The following ICA1 variants were observed in gnomAD, a reference collection of about 807,000 sequenced individuals.
ICA1 encodes 69 kDa islet cell autoantigen.
A neutral mutation model predicts 71.0 loss-of-function variants in ICA1; 40 were observed. That is an observed-to-expected ratio of 0.56 (90% CI 0.44 to 0.73). ICA1 has a LOEUF of 0.73. Among genes scored for constraint, ICA1 ranks in the 30% least tolerant of loss-of-function variants. The probability of loss-of-function intolerance (pLI) is 0.00; values close to 1 mark genes in which losing one functional copy is unlikely to be tolerated. For missense variants in ICA1, 578 were observed against 576.5 expected (o/e 1.00, Z -0.03); for synonymous variants, 207 against 209.5 (o/e 0.99, Z 0.10).
chr7:8,225,946 A>G (rs1798461875), intron 4 of ICA1, among the ~76,000 whole-genome samples: 1 of 152,192 alleles, frequency 6.6e-6, no homozygotes, highest in Admixed American at 6.6e-5. Context: ...TTCCATGTAT[A>G]ATTATTTTTG....
intron 1 of ICA1, among the ~76,000 whole-genome samples, chr7:8,240,044 G>C (rs1803242412): frequency 1.3e-5 from 2 of 152,194 alleles, no homozygotes. Context: ...GAAGAGAGCA[G>C]TGGTTCTCCC....
intron 1 of ICA1, among the ~76,000 whole-genome samples, chr7:8,259,577 T>A (rs61569932): frequency 2.0e-5 from 3 of 152,196 alleles, no homozygotes; most frequent in African/African-American, 7.2e-5. Flanking sequence ...TGAGTCCTAT[T>A]TAAAAGCGTG....
chr7:8,201,782 C>A (rs2348899), intron 6 of ICA1, among the ~76,000 whole-genome samples: 73,686 of 151,946 alleles, frequency 0.48, 21,937 homozygotes, highest in South Asian at 0.75. Flanking sequence ...ACTGGGTTAG[C>A]AGCCAAATGG....
rs542873727 is a variant in ICA1, at chr7:8,120,188, G to C, written c.1331-6144C>G. On this transcript the variant is annotated intron_variant, in intron 13 of 13. Coordinates refer to ENST00000402384, the MANE Select transcript of ICA1 (RefSeq NM_001136020.3). ...TCATTATTCCCTTTCCCCGTAGTGT[G>C]AGGCAGAAACAACAGCCAGTTTGCC... Among the ~76,000 whole-genome samples the C allele has an allele frequency of 4.9e-3, 746 of 152,280 alleles. 7 individuals carry two copies. Among genetic ancestry groups the C allele is most frequent in the African/African-American group, 0.017 (709 of 41,530 alleles).
intron 12 of ICA1, among the ~76,000 whole-genome samples, chr7:8,137,285 A>G (rs1303131871): frequency 6.6e-6 from 1 of 152,222 alleles, no homozygotes. Flanking sequence ...ATAAAATTAA[A>G]GAAGGTGATA....
chr7:8,197,574 AAATAATAATAAT>A (rs56773343), intron 6 of ICA1, among the ~76,000 whole-genome samples: 47 of 129,628 alleles, frequency 3.6e-4, no homozygotes, highest in African/African-American at 6.7e-4. Context: ...AAGAAAGAAG[AAATAATAATAAT>A]AATAATAATA....
At chr7:8,208,468 T>C (rs186394679) in intron 6 of ICA1, among the ~76,000 whole-genome samples, 1 of 152,208 alleles carries the variant, frequency 6.6e-6, no homozygotes, top group Admixed American at 6.5e-5. Context: ...TTTAAACGAG[T>C]GTGCTGGGCT....
At chr7:8,114,351 C>G (rs1042992070) in intron 13 of ICA1, among the ~76,000 whole-genome samples, 7 of 152,324 alleles carry the variant, frequency 4.6e-5, no homozygotes, top group African/African-American at 1.7e-4. Context: ...GGCCCTGCCA[C>G]TTCACCACAA....
intron 6 of ICA1, among the ~76,000 whole-genome samples, chr7:8,182,216 C>G (rs992078602): frequency 6.6e-6 from 1 of 152,174 alleles, no homozygotes; most frequent in African/African-American, 2.4e-5. Flanking sequence ...TCTGGACCCA[C>G]TGGACAAAGT....
At chr7:8,165,800 G>A (rs1420640949) in intron 6 of ICA1, among the ~76,000 whole-genome samples, 2 of 152,138 alleles carry the variant, frequency 1.3e-5, no homozygotes, top group Non-Finnish European at 2.9e-5. Context: ...AAACACTTAG[G>A]AATACAGCTA....
At chr7:8,140,119 G>T (rs911609983) in intron 10 of ICA1, among the ~76,000 whole-genome samples, 1 of 152,116 alleles carries the variant, frequency 6.6e-6, no homozygotes, top group Non-Finnish European at 1.5e-5. Flanking sequence ...TTTATAACTT[G>T]CATACAAATA....
intron 6 of ICA1, among the ~76,000 whole-genome samples, chr7:8,200,902 T>C (rs1281703662): frequency 6.6e-6 from 1 of 152,232 alleles, no homozygotes; most frequent in Non-Finnish European, 1.5e-5. Flanking sequence ...CTTTTGTAAC[T>C]GTAGACATAT....
chr7:8,233,450 G>C (rs545847432), intron 2 of ICA1, among the ~76,000 whole-genome samples: 6 of 150,748 alleles, frequency 4.0e-5, no homozygotes, highest in Non-Finnish European at 7.4e-5. Flanking sequence ...CTGGAGTGCA[G>C]TGGCGTGATC....
At chr7:8,177,541 G>T in intron 6 of ICA1, among the ~76,000 whole-genome samples, 1 of 152,052 alleles carries the variant, frequency 6.6e-6, no homozygotes, top group East Asian at 1.9e-4. Context: ...TATCCCATTG[G>T]TATTTCCTTT....
chr7:8,120,295 T>G (rs549000645), intron 13 of ICA1, among the ~76,000 whole-genome samples: 46 of 152,222 alleles, frequency 3.0e-4, no homozygotes, highest in Non-Finnish European at 4.6e-4. Context: ...TAAAATAGTA[T>G]GTCTATGACA....
At chr7:8,196,002 C>CAACAA (rs1562948396) in intron 6 of ICA1, among the ~76,000 whole-genome samples, 536 of 26,582 alleles carry the variant, frequency 0.02, 3 homozygotes, top group Middle Eastern at 0.054. Flanking sequence ...AACAACAACA[C>CAACAA]CAACACCAAC....
At position 8,223,037 on chromosome 7, in the gene ICA1, T is replaced by C. The variant is rs1797589936; in HGVS notation, c.257-1639A>G. 6.6e-6 allele frequency among the ~76,000 whole-genome samples: 1 copy of C among 152,250 alleles called. No homozygotes were observed. The highest frequency in any genetic ancestry group is 1.5e-5 in the Non-Finnish European group (1 of 68,038). ...CTCATACACTTTATTTCAGTTGAAA[T>C]ACTTATTGCCTTTTAATACTCACGC... On this transcript the variant is annotated intron_variant, in intron 4 of 13. Coordinates refer to ENST00000402384, the MANE Select transcript of ICA1 (RefSeq NM_001136020.3). This position sits in a 1 kb window ranked among gnomAD's most constrained non-coding sequence, Gnocchi z 4.1.
intron 13 of ICA1, among the ~76,000 whole-genome samples, chr7:8,120,545 A>T (rs1786504914): frequency 1.3e-5 from 2 of 152,154 alleles, no homozygotes; most frequent in African/African-American, 4.8e-5. Flanking sequence ...GAGTTGGCTG[A>T]GGCATTTTTA....
At chr7:8,128,181 G>T in intron 12 of ICA1, 39 bp from the exon 13 acceptor site, 1 of 1,595,570 alleles carries the variant, frequency 6.3e-7, no homozygotes, top group South Asian at 1.1e-5. Flanking sequence ...CACCACGGAG[G>T]GCTCAAGCCC....
Sources: gnomAD v4.1 joint callset for allele counts (sites outside exome capture counted in the v4.1 genomes callset) on GRCh38, gnomAD v4.1.1 for gene constraint, Gnocchi (gnomAD v3.1) non-coding constraint, MANE v1.5 for transcripts, NCBI Gene and HGNC (gene_info 2026-07-23, HGNC 2026-07-21) for gene names.